Variants in CCDC149 observed in about 807,000 individuals in gnomAD.
CCDC149 encodes the protein coiled-coil domain containing 149.
A neutral mutation model predicts 59.9 loss-of-function variants in CCDC149; 45 were observed. That is an observed-to-expected ratio of 0.75 (90% CI 0.59 to 0.96). CCDC149 has a LOEUF of 0.96. Ranked by LOEUF, CCDC149 falls within the 40% of genes least tolerant of loss-of-function variation. The pLI is 0.00. For synonymous variants in CCDC149, 245 were observed against 260.6 expected (o/e 0.94, Z 0.58); for missense variants, 584 against 664.7 (o/e 0.88, Z 1.33).
intron 1 of CCDC149, among the ~76,000 whole-genome samples, chr4:24,938,347 T>A (rs1478311092): frequency 6.6e-6 from 1 of 152,166 alleles, no homozygotes. Context: ...ACTGAAAAAA[T>A]TTAAAGTAAT....
intron 2 of CCDC149, among the ~76,000 whole-genome samples, chr4:24,874,409 G>A (rs1577436766): frequency 6.6e-6 from 1 of 151,950 alleles, no homozygotes; most frequent in East Asian, 1.9e-4. Context: ...GCTGAAACAT[G>A]TCTTTACTAA....
chr4:24,936,627 C>T (rs1228599666), intron 1 of CCDC149, among the ~76,000 whole-genome samples: 2 of 152,130 alleles, frequency 1.3e-5, no homozygotes, highest in Non-Finnish European at 2.9e-5. Flanking sequence ...TCTATAGTTA[C>T]TCTAGTATAT....
intron 1 of CCDC149, among the ~76,000 whole-genome samples, chr4:24,890,644 A>T (rs1247067472): frequency 6.6e-6 from 1 of 152,208 alleles, no homozygotes; most frequent in Non-Finnish European, 1.5e-5. Flanking sequence ...CCCTTCTGGG[A>T]TGAACAGTCC....
At chr4:24,898,436 C>T (rs543128213) in intron 1 of CCDC149, among the ~76,000 whole-genome samples, 4 of 152,088 alleles carry the variant, frequency 2.6e-5, no homozygotes, top group Non-Finnish European at 4.4e-5. Context: ...GGAAGCTGGC[C>T]GGGACATTGG....
chr4:24,965,923 T>C (rs1664840687), intron 1 of CCDC149, among the ~76,000 whole-genome samples: 1 of 152,226 alleles, frequency 6.6e-6, no homozygotes. Flanking sequence ...CGTAAGCTCA[T>C]GCTTGGCTTG....
intron 3 of CCDC149, among the ~76,000 whole-genome samples, chr4:24,869,519 A>G (rs1718901721): frequency 6.6e-6 from 1 of 152,218 alleles, no homozygotes. Context: ...AAAGGGTCCC[A>G]ACAAGGGCAG....
chr4:24,938,212 C>T (rs545960730), intron 1 of CCDC149, among the ~76,000 whole-genome samples: 112 of 152,210 alleles, frequency 7.4e-4, no homozygotes, highest in Middle Eastern at 3.4e-3. Context: ...TAAAGAGAAA[C>T]GACAGAGAGC....
At chr4:24,855,726 C>A (rs1717963985) in intron 3 of CCDC149, among the ~76,000 whole-genome samples, 1 of 152,218 alleles carries the variant, frequency 6.6e-6, no homozygotes, top group Admixed American at 6.5e-5. Context: ...AAGCTCCCAT[C>A]TTGTAATATT....
At chr4:24,954,675 C>A (rs1577504545) in intron 1 of CCDC149, among the ~76,000 whole-genome samples, 2 of 152,288 alleles carry the variant, frequency 1.3e-5, no homozygotes. Context: ...TGGCCCTGAG[C>A]AGTGAGTCCT....
chr4:24,848,628 T>C (rs1275341541), intron 4 of CCDC149, among the ~76,000 whole-genome samples: 1 of 151,860 alleles, frequency 6.6e-6, no homozygotes, highest in African/African-American at 2.4e-5. Context: ...ACAAGAGCAG[T>C]GATGCTGGCA....
intron 4 of CCDC149, among the ~76,000 whole-genome samples, chr4:24,851,839 T>C (rs1428273911): frequency 6.6e-6 from 1 of 152,194 alleles, no homozygotes; most frequent in African/African-American, 2.4e-5. Flanking sequence ...ATCCTTTTAA[T>C]GATGAATAAA....
chr4:24,973,628 A>C (rs1261835878), intron 1 of CCDC149, among the ~76,000 whole-genome samples: 1 of 152,232 alleles, frequency 6.6e-6, no homozygotes, highest in Admixed American at 6.5e-5. Flanking sequence ...GAAAAAGGCC[A>C]GAGTTAGACC....
intron 1 of CCDC149, among the ~76,000 whole-genome samples, chr4:24,967,095 C>G (rs1723823969): frequency 6.6e-6 from 1 of 152,174 alleles, no homozygotes; most frequent in Admixed American, 6.5e-5. Flanking sequence ...TGTTTATATA[C>G]TGTGTATGTC....
At chr4:24,937,626 C>A (rs1007942476) in intron 1 of CCDC149, among the ~76,000 whole-genome samples, 1 of 152,182 alleles carries the variant, frequency 6.6e-6, no homozygotes, top group Non-Finnish European at 1.5e-5. Flanking sequence ...GTTGTATTGC[C>A]ATAGTTGATG....
chr4:24,858,801 G>A (rs1201011634), intron 3 of CCDC149, among the ~76,000 whole-genome samples: 1 of 152,158 alleles, frequency 6.6e-6, no homozygotes, highest in East Asian at 1.9e-4. Context: ...GCAAAGACCA[G>A]GAAATTGATA....
intron 9 of CCDC149, chr4:24,827,252 G>T (rs981554200): frequency 2.0e-5 from 3 of 152,264 alleles, no homozygotes; most frequent in African/African-American, 7.2e-5. Flanking sequence ...GGCTCTAAAG[G>T]GGAAGCAGGT....
At position 24,815,403 on chromosome 4, in the gene CCDC149, G is replaced by A. The variant is rs146129749; in HGVS notation, c.1192+4456C>T. On this transcript the variant is annotated intron_variant, in intron 12 of 12. Transcript: ENST00000635206. ...TTGTACAGGGGACATGAGAAACAGC[G>A]GGTCAAAATGAGCAGGTTTCCAGCA... 2.8e-3 allele frequency among the ~76,000 whole-genome samples: 425 copies of A among 152,246 alleles called. 3 individuals carry two copies. Among genetic ancestry groups the A allele is most frequent in the African/African-American group, 9.5e-3 (395 of 41,562 alleles).
At chr4:24,878,205 AT>A (rs1158306548) in intron 1 of CCDC149, among the ~76,000 whole-genome samples, 9 of 116,662 alleles carry the variant, frequency 7.7e-5, no homozygotes, top group Middle Eastern at 4.1e-3. Context: ...CATTTGCACA[AT>A]TTTTTTTCCT....
At position 24,965,470 on chromosome 4, in the gene CCDC149, T is replaced by TCTTC. The variant is rs1458712195; in HGVS notation, c.-65+14598_-65+14599insGAAG. 8.0e-3 allele frequency among the ~76,000 whole-genome samples: 1,185 copies of TCTTC among 147,726 alleles called. 14 individuals are homozygous for TCTTC. Among genetic ancestry groups the TCTTC allele is most frequent in the African/African-American group, 0.024 (898 of 38,092 alleles). On this transcript the variant is annotated intron_variant, in intron 1 of 12. Transcript: ENST00000389609. ...TTCTCTGACCACAGTGGAATTAAAT[T>TCTTC]TGAAGTTAACGACAGAAAAATCTCT...
Sources: gnomAD v4.1 joint callset for allele counts (sites outside exome capture counted in the v4.1 genomes callset) on GRCh38, gnomAD v4.1.1 for gene constraint, MANE v1.5 for transcripts, NCBI Gene and HGNC (gene_info 2026-07-23, HGNC 2026-07-21) for gene names.